Variants in HELLS observed in about 807,000 individuals in gnomAD.
The protein encoded by HELLS is helicase, lymphoid specific, also known as lymphoid-specific helicase.
A neutral mutation model predicts 120.0 loss-of-function variants in HELLS; 32 were observed. The observed-to-expected ratio is 0.27, with a 90% CI of 0.20 to 0.36. The LOEUF (loss-of-function observed/expected upper bound fraction) is 0.36. Ranked by LOEUF, HELLS falls within the 10% of genes least tolerant of loss-of-function variation. HELLS has a pLI of 1.00. For synonymous variants in HELLS, 341 were observed against 323.4 expected (o/e 1.05, Z -0.58); for missense variants, 650 against 993.4 (o/e 0.65, Z 4.65).
chr10:94,569,658 C>T (rs554634939), intron 6 of HELLS: 1 of 152,072 alleles, frequency 6.6e-6, no homozygotes, highest in Non-Finnish European at 1.5e-5. Context: ...ATAGTGACTA[C>T]ACCTCAAACA....
intron 6 of HELLS, among the ~76,000 whole-genome samples, chr10:94,565,751 A>G (rs966903958): frequency 3.9e-5 from 6 of 152,204 alleles, no homozygotes; most frequent in African/African-American, 1.4e-4. Context: ...ACAGCTGTTT[A>G]TTTAATTTGT....
chr10:94,554,218 A>G lies in HELLS; in HGVS notation c.246A>G (p.Leu82=), dbSNP rs1322042111. The change falls in exon 3 of 22, where the codon TTA becomes TTG. Residue 82 remains leucine (L), a synonymous_variant. Transcript: ENST00000348459. ...LEKSNIYSKF[L]LTKMEQQQLE... is the part of the protein sequence containing the mutation. Reference sequence around the variant, plus strand: ...AAAGCAATATATACTCCAAATTTTTATTGACGAAAATGGAACAGCAACAAT... The same window carrying G: ...AAAGCAATATATACTCCAAATTTTTGTTGACGAAAATGGAACAGCAACAAT... 1 of 1,572,312 alleles carries G rather than the reference A, an allele frequency of 6.4e-7. No homozygotes were observed. The highest frequency in any genetic ancestry group is 1.2e-5 in the South Asian group (1 of 82,448).
downstream of HELLS, among the ~76,000 whole-genome samples, chr10:94,606,168 A>C (rs1846126957): frequency 6.6e-6 from 1 of 150,950 alleles, no homozygotes; most frequent in African/African-American, 2.4e-5. Flanking sequence ...TCACTCAAGT[A>C]ATGTGGACTA....
chr10:94,558,276 A>G, intron 4 of HELLS, 81 bp downstream of exon 4: 1 of 1,445,044 alleles, frequency 6.9e-7, no homozygotes, highest in East Asian at 2.6e-5. Flanking sequence ...TTTTTTGATC[A>G]TCTGTTTAAT....
At position 94,577,375 on chromosome 10, in the gene HELLS, T is replaced by C. The variant is rs573405639; in HGVS notation, c.1032+570T>C. ...TTATAATTCTTGACTGCTTTTTTTT[T>C]CCTTTCTCTGGCCATGTGAGAACCC... On this transcript the variant is annotated intron_variant, in intron 10 of 21. Transcript: ENST00000348459. 3.2e-5 allele frequency: 7 copies of C among 219,526 alleles called. No individual in the cohort carries two copies. In the East Asian group the frequency reaches 5.6e-4, roughly 18 times the overall value. The allele number at this position is 219,526 out of a possible 1,614,324, so 13.6% of individuals were successfully genotyped here. A position where few individuals can be genotyped will look rare whatever the true frequency, so the allele number is the denominator to read the frequency against.
chr10:94,580,189 T>A (rs1271577718), intron 10 of HELLS, among the ~76,000 whole-genome samples: 1 of 135,920 alleles, frequency 7.4e-6, no homozygotes, highest in African/African-American at 2.7e-5. Flanking sequence ...ACACACATTT[T>A]TTTTTTTTTT....
chr10:94,572,747 AT>A (rs751256149), intron 7 of HELLS, among the ~76,000 whole-genome samples: 76 of 152,158 alleles, frequency 5.0e-4, no homozygotes, highest in African/African-American at 1.7e-3. Flanking sequence ...GAAAGTACAG[AT>A]TTTCCCCCCC....
intron 2 of HELLS, among the ~76,000 whole-genome samples, chr10:94,549,070 T>C (rs1842867093): frequency 6.6e-6 from 1 of 152,220 alleles, no homozygotes; most frequent in South Asian, 2.1e-4. Context: ...TGTGGTTTCG[T>C]ATTACATTGT....
chr10:94,559,127 A>T (rs1469749125), intron 4 of HELLS, among the ~76,000 whole-genome samples: 1 of 152,230 alleles, frequency 6.6e-6, no homozygotes, highest in Non-Finnish European at 1.5e-5. Flanking sequence ...AAAGAATTTT[A>T]GTCCTCCAAT....
intron 21 of HELLS, among the ~76,000 whole-genome samples, chr10:94,599,558 T>C (rs1845926453): frequency 6.6e-6 from 1 of 152,154 alleles, no homozygotes; most frequent in African/African-American, 2.4e-5. Flanking sequence ...GGGTTTGCCA[T>C]GTTGCTCAAG....
At chr10:94,580,151 AT>A (rs1356878354) in intron 10 of HELLS, among the ~76,000 whole-genome samples, 4,755 of 75,124 alleles carry the variant, frequency 0.063, 266 homozygotes, top group African/African-American at 0.099. Context: ...ATATATATAT[AT>A]ATATATATAT....
intron 2 of HELLS, among the ~76,000 whole-genome samples, chr10:94,547,270 C>T (rs1842789393): frequency 6.6e-6 from 1 of 152,160 alleles, no homozygotes. Context: ...TTATTAAACT[C>T]TACCGATATT....
intron 11 of HELLS, among the ~76,000 whole-genome samples, 187 bp downstream of exon 11, chr10:94,581,709 T>C (rs1256065724): frequency 6.6e-6 from 1 of 152,198 alleles, no homozygotes; most frequent in Non-Finnish European, 1.5e-5. Context: ...TAAAACTTAC[T>C]TGCATTGATT....
intron 15 of HELLS, 76 bp downstream of exon 15, chr10:94,590,852 G>T (rs41291546): frequency 0.04 from 31,326 of 788,606 alleles, 843 homozygotes; most frequent in African/African-American, 0.1. Context: ...TACTTTTTTT[G>T]ATTATAATTA....
At chr10:94,548,228 T>A (rs1341917096) in intron 2 of HELLS, among the ~76,000 whole-genome samples, 1 of 152,222 alleles carries the variant, frequency 6.6e-6, no homozygotes, top group East Asian at 1.9e-4. Flanking sequence ...AATGGTATTT[T>A]ATAATATACA....
At chr10:94,566,770 C>T (rs1843819886) in intron 6 of HELLS, among the ~76,000 whole-genome samples, 1 of 151,816 alleles carries the variant, frequency 6.6e-6, no homozygotes, top group Non-Finnish European at 1.5e-5. Context: ...CCTCAGCTCC[C>T]TGAGTAGTCC....
intron 6 of HELLS, among the ~76,000 whole-genome samples, chr10:94,567,838 G>C (rs1232469452): frequency 1.3e-5 from 2 of 152,034 alleles, no homozygotes; most frequent in Non-Finnish European, 2.9e-5. Flanking sequence ...AGCCTGGGGA[G>C]GTGAAGGCTG....
Position 94,574,095 on chromosome 10 carries a change from T to C in HELLS, c.613T>C (p.Cys205Arg), listed in dbSNP as rs759670581. The C allele has an allele frequency of 6.2e-7, 1 of 1,614,034 alleles. No individual in the cohort carries two copies. The highest frequency in any genetic ancestry group is 8.5e-7 in the Non-Finnish European group (1 of 1,179,954). ...TKFFFDPVRK[C>R]NGQPVPFQQP... ...ATTCTTTTTTGACCCAGTCCGGAAG[T>C]GTAATGGTCAGCCAGTACCTTTTCA... The change falls in exon 8 of 22, where the codon TGT becomes CGT. Residue 205 changes from cysteine (C) to arginine (R), a missense_variant. Physicochemically the swap from Cys to Arg is radical, Grantham distance 180. Around this residue, in one of 9 missense-constraint regions of HELLS, gnomAD observed 113 missense variants for 120.7 expected, o/e 0.94. Coordinates refer to ENST00000348459, the MANE Select transcript of HELLS (RefSeq NM_018063.5).
At chr10:94,575,190 C>A (rs1022217923) in intron 9 of HELLS, among the ~76,000 whole-genome samples, 3 of 149,538 alleles carry the variant, frequency 2.0e-5, no homozygotes, top group Non-Finnish European at 4.4e-5. Flanking sequence ...ATCTCTGCCT[C>A]CCATGATGAA....
Sources: gnomAD v4.1 joint callset for allele counts (sites outside exome capture counted in the v4.1 genomes callset) on GRCh38, gnomAD v4.1.1 for gene constraint, gnomAD v4.1.1 regional missense constraint, MANE v1.5 for transcripts, NCBI Gene and HGNC (gene_info 2026-07-23, HGNC 2026-07-21) for gene names.